AMER3: variants seen among roughly 807,000 people sequenced by gnomAD.
AMER3 encodes APC membrane recruitment protein 3, also known as family with sequence similarity 123C.
For synonymous variants in AMER3, 541 were observed against 485.5 expected, an observed-to-expected ratio of 1.11 and a Z score of -1.50; for missense variants, 1,201 against 1,139.4, an observed-to-expected ratio of 1.05 and a Z score of -0.78.
At chr2:130,756,595 A>G (rs1387854067) in intron 1 of AMER3, among the ~76,000 whole-genome samples, 1 of 152,010 alleles carries the variant, frequency 6.6e-6, no homozygotes, top group East Asian at 1.9e-4. Context: ...GGAAGCGGAG[A>G]AACCCTCCGC....
chr2:130,763,093 C>T lies in AMER3; in HGVS notation c.1021C>T (p.Arg341Trp), dbSNP rs555251292. Residue 341 changes from arginine (R) to tryptophan (W), a missense_variant, in exon 2 of 2, where the codon CGG (arginine) becomes TGG (tryptophan). Transcript: ENST00000321420. The stretch of plus-strand genomic sequence containing the variant: ...CCAGGGGACAGACAGGGACCAATCC[C>T]GGCTGGACACAGCTGGGCTCGCTGA... ...GPQGTDRDQSRLDTAGLAELP... is the reference protein window; with the variant it reads ...GPQGTDRDQSWLDTAGLAELP... The T allele has an allele frequency of 1.1e-4, 180 of 1,613,232 alleles. No individual in the cohort carries two copies. In the East Asian group the frequency reaches 3.1e-3, roughly 27 times the overall value.
chr2:130,758,983 C>T, intron 1 of AMER3, among the ~76,000 whole-genome samples: 1 of 142,994 alleles, frequency 7.0e-6, no homozygotes, highest in East Asian at 2.4e-4. Flanking sequence ...CAGTCTGCCT[C>T]CAGCCAGGCA....
rs767006055 is a variant in AMER3 at position 130,763,342 on chromosome 2, G to A, written c.1270G>A (p.Glu424Lys). ...CAGCTACAGTGGGGACGCCCTCTAC[G>A]AGCTCTTCCACGACCCCAGCGAGGG... ...RDSYSGDALY[E>K]LFHDPSEGPL... Residue 424 changes from glutamate (E) to lysine (K), a missense_variant, in exon 2 of 2, where the codon GAG (glutamate) becomes AAG (lysine). Glu to Lys is a moderately conservative substitution (Grantham distance 56, BLOSUM62 1). Transcript: ENST00000321420. The A allele has an allele frequency of 8.7e-6, 14 of 1,613,398 alleles. No homozygotes were observed. Among genetic ancestry groups the A allele is most frequent in the Admixed American group, 3.3e-5 (2 of 60,024 alleles).
At position 130,765,456 on chromosome 2, in the gene AMER3, C is replaced by G. The variant is rs1489056578; in HGVS notation, c.*798C>G. Reference sequence around the variant, plus strand: ...CTTTTGACGAAGTCAATCTATGATGCGTCACCACCACACACACAGTTGCCC... The same window carrying G: ...CTTTTGACGAAGTCAATCTATGATGGGTCACCACCACACACACAGTTGCCC... On this transcript the variant is annotated 3_prime_UTR_variant, in exon 2 of 2. Coordinates refer to ENST00000321420, the MANE Select transcript of AMER3 (RefSeq NM_152698.3). 1 of 167,098 alleles carries G rather than the reference C, an allele frequency of 6.0e-6. No individual in the cohort carries two copies. The highest frequency in any genetic ancestry group is 2.1e-4 in the South Asian group (1 of 4,824). 10.4% of individuals were successfully genotyped at this position (167,098 alleles called of 1,614,324 possible). A position where few individuals can be genotyped will look rare whatever the true frequency, so the allele number is the denominator to read the frequency against.
In AMER3 at chr2:130,764,141, A is replaced by G. The variant is rs1678908679; in HGVS notation, c.2069A>G (p.Gln690Arg). The stretch of plus-strand genomic sequence containing the variant: ...GCCCTGAAGATCAGCTCAAACGAAC[A>G]GCCCCCGGCCGCATGGCCTCCAAGG... Reference protein sequence around the residue: ...VAALKISSNEQPPAAWPPRQD... With the variant: ...VAALKISSNERPPAAWPPRQD... Residue 690 changes from glutamine (Q) to arginine (R), a missense_variant, in exon 2 of 2, where the codon CAG becomes CGG. By Grantham distance (43) the Gln-to-Arg change is conservative. Coordinates refer to ENST00000321420, the MANE Select transcript of AMER3 (RefSeq NM_152698.3). 1.9e-6 allele frequency: 3 copies of G among 1,611,086 alleles called. No homozygotes were observed. Among genetic ancestry groups the G allele is most frequent in the East Asian group, 2.2e-5 (1 of 44,792 alleles).
rs370009156 is a variant in AMER3, at chr2:130,763,617, C to T, written c.1545C>T (p.Gly515=). The T allele has an allele frequency of 3.3e-5, 51 of 1,568,688 alleles. No homozygotes were observed. The African/African-American group carries it at 6.5e-4, about 20-fold the overall frequency. Residue 515 remains glycine (G), a synonymous_variant, in exon 2 of 2, where the codon GGC becomes GGT. Coordinates refer to ENST00000321420, the MANE Select transcript of AMER3 (RefSeq NM_152698.3). ...GCATCGTCAGCTGGCTGCGCCGAGGCCCCACGCCCCGTGCCCCACCCACCC... is the reference window on the plus strand; with the variant it reads ...GCATCGTCAGCTGGCTGCGCCGAGGTCCCACGCCCCGTGCCCCACCCACCC... The part of the protein sequence containing the change: ...TMGIVSWLRR[G]PTPRAPPTPG...
chr2:130,758,838 C>T (rs565762347), intron 1 of AMER3, among the ~76,000 whole-genome samples: 3 of 152,234 alleles, frequency 2.0e-5, no homozygotes, highest in African/African-American at 4.8e-5. Context: ...CACAGGGTTA[C>T]AAAACAGTGT....
intron 1 of AMER3, among the ~76,000 whole-genome samples, chr2:130,758,952 T>C (rs1436366512): frequency 3.3e-5 from 5 of 152,266 alleles, no homozygotes; most frequent in East Asian, 1.9e-4. Flanking sequence ...CCCCAGAGAA[T>C]TGTCACAGAA....
Position 130,762,006 on chromosome 2 carries a change from A to G in AMER3, c.-19-48A>G, listed in dbSNP as rs1271389494. 5 of 1,531,804 alleles carry G rather than the reference A, an allele frequency of 3.3e-6. No homozygotes were observed. In the South Asian group the frequency reaches 3.7e-5, roughly 11 times the overall value. 94.9% of individuals were successfully genotyped at this position (1,531,804 alleles called of 1,614,324 possible). On this transcript the variant is annotated intron_variant, in intron 1 of 1. Coordinates refer to ENST00000321420, the MANE Select transcript of AMER3 (RefSeq NM_152698.3). ...GGGTAGGCAGGGTCTTCCAGAGCCCAGGGCCCTCCCGTCTATGATACTGAG... is the reference window on the plus strand; with the variant it reads ...GGGTAGGCAGGGTCTTCCAGAGCCCGGGGCCCTCCCGTCTATGATACTGAG...
chr2:130,762,714 C>T lies in AMER3; in HGVS notation c.642C>T (p.Cys214=), dbSNP rs1276588093. 1.2e-6 allele frequency: 2 copies of T among 1,611,830 alleles called. No homozygotes were observed. Among genetic ancestry groups the T allele is most frequent in the Non-Finnish European group, 8.5e-7 (1 of 1,179,682 alleles). The change falls in exon 2 of 2, where the codon TGC becomes TGT. Residue 214 remains cysteine (C), a synonymous_variant. Coordinates refer to ENST00000321420, the MANE Select transcript of AMER3 (RefSeq NM_152698.3). The part of the protein sequence containing the change: ...PGEGPGLDGL[C]QDLLDSELLA... ...AGGGGCCGGGGCTGGACGGCCTGTG[C>T]CAGGACCTGTTGGACAGCGAGCTCC...
At chr2:130,757,278 CA>C (rs1371394337) in intron 1 of AMER3, among the ~76,000 whole-genome samples, 1 of 152,190 alleles carries the variant, frequency 6.6e-6, no homozygotes. Context: ...GCAATAAATC[CA>C]TGTCTGTGTG....
Position 130,763,537 on chromosome 2 carries a change from A to C in AMER3, c.1465A>C (p.Lys489Gln), listed in dbSNP as rs1678870595. 1 of 1,612,586 alleles carries C rather than the reference A, an allele frequency of 6.2e-7. No homozygotes were observed. The highest frequency in any genetic ancestry group is 8.5e-7 in the Non-Finnish European group (1 of 1,179,844). Reference sequence around the variant, plus strand: ...CCAGGGCTTCCTACAGAGCTCCTGGAAGGGCAAGGAGTGCCTGCTGAAGCT... The same window carrying C: ...CCAGGGCTTCCTACAGAGCTCCTGGCAGGGCAAGGAGTGCCTGCTGAAGCT... ...LSQGFLQSSW[K>Q]GKECLLKLCD... Residue 489 changes from lysine (K) to glutamine (Q), a missense_variant, in exon 2 of 2, where the codon AAG becomes CAG. By Grantham distance (53) the Lys-to-Gln change is moderately conservative. Transcript: ENST00000321420.
chr2:130,764,113 G>A lies in AMER3; in HGVS notation c.2041G>A (p.Ala681Thr), dbSNP rs1330224586. 1 of 1,611,838 alleles carries A rather than the reference G, an allele frequency of 6.2e-7. No individual in the cohort carries two copies. Among genetic ancestry groups the A allele is most frequent in the South Asian group, 1.1e-5 (1 of 90,784 alleles). ...PMLAGCVARVAALKISSNEQP... is the reference protein window; with the variant it reads ...PMLAGCVARVTALKISSNEQP... ...GCTGGCAGGCTGTGTGGCCCGTGTG[G>A]CAGCCCTGAAGATCAGCTCAAACGA... The change falls in exon 2 of 2, where the codon GCA becomes ACA. Residue 681 changes from alanine to threonine, a missense_variant. Coordinates refer to ENST00000321420, the MANE Select transcript of AMER3 (RefSeq NM_152698.3).
chr2:130,764,360 G>A lies in AMER3; in HGVS notation c.2288G>A (p.Gly763Asp). The change falls in exon 2 of 2, where the codon GGT (glycine) becomes GAT (aspartate). Residue 763 changes from glycine to aspartate, a missense_variant. Physicochemically the swap from Gly to Asp is moderately conservative, Grantham distance 94 (BLOSUM62 -1). Transcript: ENST00000321420. ...SWLRVEPTGL[G>D]VQAWASVEDQ... ...CTCAGGGTGGAGCCCACCGGGCTAG[G>A]TGTCCAGGCCTGGGCCTCTGTGGAG... 1 of 1,611,646 alleles carries A rather than the reference G, an allele frequency of 6.2e-7. No individual in the cohort carries two copies. The highest frequency in any genetic ancestry group is 2.2e-5 in the East Asian group (1 of 44,798).
rs1360236968 is a variant in AMER3 at position 130,764,988 on chromosome 2, G to A, written c.*330G>A. The A allele has an allele frequency of 3.8e-6, 1 of 262,310 alleles. No individual in the cohort carries two copies. The highest frequency in any genetic ancestry group is 7.7e-5 in the East Asian group (1 of 12,942). The allele number at this position is 262,310 out of a possible 1,614,324, so 16.2% of individuals were successfully genotyped here. The stretch of plus-strand genomic sequence containing the variant: ...TGGGAAGCAGAGAGCCAATGAGTCT[G>A]CCTGGGATGTGTGTGAATCCCAAAA... On this transcript the variant is annotated 3_prime_UTR_variant, in exon 2 of 2. Transcript: ENST00000321420.
chr2:130,759,231 G>A (rs1030345713), intron 1 of AMER3, among the ~76,000 whole-genome samples: 2 of 152,336 alleles, frequency 1.3e-5, no homozygotes, highest in South Asian at 2.1e-4. Context: ...GGCATTGTTA[G>A]TGTCACTGAG....
At position 130,762,775 on chromosome 2, in the gene AMER3, T is replaced by C; in HGVS notation, c.703T>C (p.Cys235Arg). Reference sequence around the variant, plus strand: ...ATCCTTTGGTCTCTGCAGGGCCCTGTGTGAGGACGTGGCCTCACTCCAGAG... The same window carrying C: ...ATCCTTTGGTCTCTGCAGGGCCCTGCGTGAGGACGTGGCCTCACTCCAGAG... ...DASFGLCRAL[C>R]EDVASLQSFD... Residue 235 changes from cysteine to arginine, a missense_variant, in exon 2 of 2, where the codon TGT becomes CGT. Transcript: ENST00000321420. 6.2e-7 allele frequency: 1 copy of C among 1,611,226 alleles called. No individual in the cohort carries two copies. Among genetic ancestry groups the C allele is most frequent in the Non-Finnish European group, 8.5e-7 (1 of 1,178,320 alleles).
In AMER3 at chr2:130,763,142, A is replaced by T; in HGVS notation, c.1070A>T (p.Asp357Val). The T allele has an allele frequency of 6.2e-7, 1 of 1,613,248 alleles. No individual in the cohort carries two copies. The highest frequency in any genetic ancestry group is 8.5e-7 in the Non-Finnish European group (1 of 1,179,980). ...GAGCTGCCCCTCTGCCCCTGCAGGG[A>T]CCCTCGCAGCGGCTCCAAAGCCAGC... ...LAELPLCPCRDPRSGSKASSI... is the reference protein window; with the variant it reads ...LAELPLCPCRVPRSGSKASSI... The change falls in exon 2 of 2, where the codon GAC becomes GTC. Residue 357 changes from aspartate (D) to valine (V), a missense_variant. Asp to Val is a radical substitution (Grantham distance 152). Transcript: ENST00000321420.
chr2:130,762,699 G>T lies in AMER3; in HGVS notation c.627G>T (p.Gly209=). The T allele has an allele frequency of 6.2e-7, 1 of 1,611,542 alleles. No homozygotes were observed. The stretch of plus-strand genomic sequence containing the variant: ...TCCTCCCCCCGGGTGAGGGGCCGGG[G>T]CTGGACGGCCTGTGCCAGGACCTGT... ...KAFLPPGEGP[G]LDGLCQDLLD... Residue 209 remains glycine (G), a synonymous_variant, in exon 2 of 2, where the codon GGG becomes GGT. Coordinates refer to ENST00000321420, the MANE Select transcript of AMER3 (RefSeq NM_152698.3).
Sources: gnomAD v4.1 joint callset for allele counts (sites outside exome capture counted in the v4.1 genomes callset) on GRCh38, gnomAD v4.1.1 for gene constraint, MANE v1.5 for transcripts, NCBI Gene and HGNC (gene_info 2026-07-23, HGNC 2026-07-21) for gene names.